Variants in ESR2 observed in about 807,000 individuals in gnomAD.
The protein encoded by ESR2 is estrogen receptor beta.
In ESR2, 36 loss-of-function variants were observed where a neutral mutation model predicts 49.6. The ratio of observed to expected loss-of-function variants is 0.73; its 90% CI spans 0.56 to 0.96. The LOEUF is 0.96. ESR2 is among the 40% of genes least tolerant of loss of function. ESR2 has a pLI of 0.00. For missense variants in ESR2, 714 were observed against 693.0 expected (o/e 1.03, Z -0.34); for synonymous variants, 320 against 266.1 (o/e 1.20, Z -1.97).
chr14:64,276,489 G>A (rs1243228695), intron 3 of ESR2, among the ~76,000 whole-genome samples: 1 of 152,156 alleles, frequency 6.6e-6, no homozygotes, highest in East Asian at 1.9e-4. Context: ...GTTGGAAAAA[G>A]CGACACTCAC....
At chr14:64,251,865 C>T (rs1253377152) in intron 6 of ESR2, among the ~76,000 whole-genome samples, 1 of 152,080 alleles carries the variant, frequency 6.6e-6, no homozygotes, top group African/African-American at 2.4e-5. Flanking sequence ...TATAAGACAT[C>T]GTAAATGACA....
At chr14:64,311,320 T>G (rs2077185545) in intron 1 of ESR2, among the ~76,000 whole-genome samples, 1 of 152,122 alleles carries the variant, frequency 6.6e-6, no homozygotes, top group African/African-American at 2.4e-5. Context: ...TCACTGCTGG[T>G]AGAACAATTT....
intron 4 of ESR2, 104 bp from the exon 5 acceptor site, chr14:64,260,852 A>T (rs1035692554): frequency 5.4e-5 from 59 of 1,100,976 alleles, no homozygotes; most frequent in Non-Finnish European, 6.8e-5. Flanking sequence ...CGTACCAAAG[A>T]TTACTATGGT....
At chr14:64,324,522 A>G (rs1036980204) in intron 1 of ESR2, among the ~76,000 whole-genome samples, 2 of 152,214 alleles carry the variant, frequency 1.3e-5, no homozygotes, top group African/African-American at 4.8e-5. Context: ...TTCATAGTCT[A>G]ATCTTTTAAA....
rs1025356811 is a variant in ESR2 at position 64,229,520 on chromosome 14, G to A, written c.*3617C>T. On this transcript the variant is annotated 3_prime_UTR_variant, in exon 9 of 9. Coordinates refer to ENST00000341099, the MANE Select transcript of ESR2 (RefSeq NM_001437.3). ...CTGGACATTGTGGTGGGAGGTAAGG[G>A]GGTATCACAAGGGGGCCCCATTTAA... 6.6e-6 allele frequency among the ~76,000 whole-genome samples: 1 copy of A among 152,150 alleles called. No individual in the cohort carries two copies. The highest frequency in any genetic ancestry group is 1.9e-4 in the East Asian group (1 of 5,192).
chr14:64,288,529 T>A (rs1429119358), intron 1 of ESR2, among the ~76,000 whole-genome samples: 4 of 151,796 alleles, frequency 2.6e-5, no homozygotes, highest in Non-Finnish European at 5.9e-5. Flanking sequence ...TTCTATTTTT[T>A]AGTAGAGACG....
intron 1 of ESR2, among the ~76,000 whole-genome samples, chr14:64,283,692 G>A (rs757663948): frequency 7.3e-6 from 1 of 137,032 alleles, no homozygotes; most frequent in Admixed American, 7.7e-5. Context: ...AGGTTGTAGT[G>A]AGCAGAGATT....
intron 1 of ESR2, among the ~76,000 whole-genome samples, chr14:64,299,759 G>A (rs2077001904): frequency 6.6e-6 from 1 of 152,170 alleles, no homozygotes; most frequent in Admixed American, 6.5e-5. Flanking sequence ...CCTAACCAGA[G>A]AAAGGAATCG....
intron 5 of ESR2, among the ~76,000 whole-genome samples, chr14:64,257,965 C>T (rs1373671459): frequency 6.6e-6 from 1 of 152,066 alleles, no homozygotes; most frequent in African/African-American, 2.4e-5. Flanking sequence ...ACCTGTAATC[C>T]CAGCACTTTG....
chr14:64,283,901 T>A (rs564845312), intron 1 of ESR2, among the ~76,000 whole-genome samples: 137 of 152,142 alleles, frequency 9.0e-4, no homozygotes, highest in Non-Finnish European at 1.7e-3. Context: ...TATCAATCTG[T>A]TGCTTCTCAG....
chr14:64,227,804 T>A, downstream of ESR2: 4 of 1,556,522 alleles, frequency 2.6e-6, no homozygotes, highest in Non-Finnish European at 2.6e-6. Context: ...TTCCCAAAAC[T>A]CTTTTATGAG....
chr14:64,260,685 AGCTG>A lies in ESR2; in HGVS notation c.712_715del (p.Gln238CysfsTer25). ...TCTCTTGGCCTTGCCGGCACAGTGC[AGCTG>A]CTCGTCGGCACTTCTCTGTCTCCGC... On this transcript the variant is annotated frameshift_variant, in exon 5 of 9. Coordinates refer to ENST00000341099, the MANE Select transcript of ESR2 (RefSeq NM_001437.3). LOFTEE classifies it high-confidence loss of function. 1 of 1,560,368 alleles carries A rather than the reference AGCTG, an allele frequency of 6.4e-7. No homozygotes were observed. Among genetic ancestry groups the A allele is most frequent in the Non-Finnish European group, 8.7e-7 (1 of 1,148,892 alleles).
intron 1 of ESR2, among the ~76,000 whole-genome samples, chr14:64,288,255 G>T (rs2076813002): frequency 6.6e-6 from 1 of 151,712 alleles, no homozygotes; most frequent in African/African-American, 2.4e-5. Flanking sequence ...AAAGAAAAAA[G>T]TAGTATTTAA....
chr14:64,262,438 A>G (rs1365346195), intron 4 of ESR2, among the ~76,000 whole-genome samples: 4 of 152,210 alleles, frequency 2.6e-5, no homozygotes, highest in African/African-American at 9.7e-5. Flanking sequence ...TTAGTGATAT[A>G]GAAACAAGGT....
intron 1 of ESR2, among the ~76,000 whole-genome samples, chr14:64,302,073 G>T (rs2077026570): frequency 1.3e-5 from 2 of 152,076 alleles, no homozygotes. Flanking sequence ...CCTGACACCT[G>T]ACCCAATTAT....
At chr14:64,237,107 T>G (rs994820059) in intron 7 of ESR2, among the ~76,000 whole-genome samples, 2 of 152,088 alleles carry the variant, frequency 1.3e-5, no homozygotes, top group African/African-American at 4.8e-5. Flanking sequence ...ATTACAGGCA[T>G]GCGCCACCAT....
chr14:64,323,328 C>T (rs1321708167), intron 1 of ESR2, among the ~76,000 whole-genome samples: 3 of 152,154 alleles, frequency 2.0e-5, no homozygotes, highest in African/African-American at 7.2e-5. Context: ...CCACCTCAGC[C>T]TCCCAGGTAG....
At chr14:64,238,958 C>A (rs2074181502) in intron 7 of ESR2, among the ~76,000 whole-genome samples, 1 of 152,170 alleles carries the variant, frequency 6.6e-6, no homozygotes, top group South Asian at 2.1e-4. Flanking sequence ...TTTGCCACGT[C>A]TGATTTGTTC....
rs951052418 is a variant in ESR2 at position 64,236,489 on chromosome 14, G to A, written c.1226-1339C>T. Among the ~76,000 whole-genome samples, 25 of 152,138 alleles carry A rather than the reference G, an allele frequency of 1.6e-4. No homozygotes were observed. In the East Asian group the frequency reaches 3.3e-3, roughly 20 times the overall value. ...AAAGCAGATCTGCTCATGGGGCTCC[G>A]TTTAATGACTTCCCAGCTCATAGGA... On this transcript the variant is annotated intron_variant, in intron 7 of 8. Transcript: ENST00000341099.
Sources: allele counts gnomAD v4.1 joint callset (sites outside exome capture counted in the v4.1 genomes callset), GRCh38; gene constraint gnomAD v4.1.1; transcripts MANE v1.5; gene names NCBI Gene and HGNC (gene_info 2026-07-23, HGNC 2026-07-21).